The following C2CD2 variants were observed in gnomAD, a reference collection of about 807,000 sequenced individuals.
The protein encoded by C2CD2 is C2 domain-containing protein 2.
Under a neutral mutation model 74.3 loss-of-function variants are expected in C2CD2, and 43 were observed. That is an observed-to-expected ratio of 0.58 (90% CI 0.45 to 0.75). The LOEUF is 0.75. Among genes scored for constraint, C2CD2 ranks in the 30% least tolerant of loss-of-function variants. C2CD2 has a pLI of 0.00. For synonymous variants in C2CD2, 422 were observed against 390.7 expected (o/e 1.08, Z -0.94); for missense variants, 801 against 916.3 (o/e 0.87, Z 1.63).
intron 9 of C2CD2, 143 bp downstream of exon 9, chr21:41,907,517 C>T: frequency 3.4e-6 from 3 of 869,678 alleles, no homozygotes; most frequent in South Asian, 3.5e-5. Context: ...TCTGGTCCTG[C>T]GTACGATGAA....
intron 6 of C2CD2, among the ~76,000 whole-genome samples, chr21:41,913,953 C>A (rs1159044841): frequency 1.3e-5 from 2 of 152,182 alleles, no homozygotes; most frequent in African/African-American, 4.8e-5. Context: ...CCCCTTCACC[C>A]ACTTTCTAAG....
At chr21:41,905,125 G>T (rs2064944811) in intron 11 of C2CD2, among the ~76,000 whole-genome samples, 1 of 152,100 alleles carries the variant, frequency 6.6e-6, no homozygotes, top group Non-Finnish European at 1.5e-5. Flanking sequence ...CTAGCGTGTT[G>T]TGCAAGAGAA....
At chr21:41,921,861 T>TA in intron 3 of C2CD2, 111 bp downstream of exon 3, 1 of 667,416 alleles carries the variant, frequency 1.5e-6, no homozygotes, top group East Asian at 2.7e-5. Context: ...ACATGAATGA[T>TA]AATTAATAAA....
At chr21:41,898,440 G>A (rs964632270) in intron 13 of C2CD2, among the ~76,000 whole-genome samples, 5 of 152,142 alleles carry the variant, frequency 3.3e-5, no homozygotes, top group African/African-American at 7.2e-5. Flanking sequence ...GCACTGTCTC[G>A]GCAAATCTGC....
chr21:41,944,072 G>A (rs1009020752), intron 1 of C2CD2, among the ~76,000 whole-genome samples: 6 of 152,342 alleles, frequency 3.9e-5, no homozygotes, highest in African/African-American at 7.2e-5. Context: ...CCGCTCGGAG[G>A]ATGCAGCGGA....
intron 2 of C2CD2, among the ~76,000 whole-genome samples, chr21:41,930,934 G>C (rs1351600691): frequency 1.3e-5 from 2 of 149,954 alleles, no homozygotes; most frequent in Admixed American, 1.3e-4. Flanking sequence ...CTGAACCTGC[G>C]GGGGAAGGGC....
chr21:41,944,963 A>AT (rs1257231011), intron 1 of C2CD2, among the ~76,000 whole-genome samples: 1 of 152,240 alleles, frequency 6.6e-6, no homozygotes, highest in Non-Finnish European at 1.5e-5. Flanking sequence ...ACCACACTGA[A>AT]GGGGATGGGA....
chr21:41,934,060 T>C (rs1441403312), intron 2 of C2CD2, among the ~76,000 whole-genome samples: 2 of 152,090 alleles, frequency 1.3e-5, no homozygotes, highest in Non-Finnish European at 2.9e-5. Context: ...AAAAAAAAGT[T>C]TGGACATTTT....
At position 41,909,474 on chromosome 21, in the gene C2CD2, C is replaced by T; in HGVS notation, c.1003G>A (p.Gly335Arg). The change falls in exon 8 of 14, where the codon GGG becomes AGG. Residue 335 changes from glycine to arginine, a missense_variant. Physicochemically the swap from Gly to Arg is moderately radical, Grantham distance 125 (BLOSUM62 -2). Transcript: ENST00000380486. ...KELHLQISEAGRSSEGLLATA... is the reference protein window; with the variant it reads ...KELHLQISEARRSSEGLLATA... ...CTCAACCCACCTTCTGAGGATCGCC[C>T]AGCCTCTGAAATCTGCAGGTGTAAC... 1.2e-6 allele frequency: 2 copies of T among 1,613,660 alleles called. No individual in the cohort carries two copies. Among genetic ancestry groups the T allele is most frequent in the Non-Finnish European group, 1.7e-6 (2 of 1,179,532 alleles).
At position 41,953,634 on chromosome 21, in the gene C2CD2, C is replaced by A. The variant is rs1008345764; in HGVS notation, c.15G>T (p.Arg5=). 3.4e-6 allele frequency: 5 copies of A among 1,485,110 alleles called. No homozygotes were observed. Among genetic ancestry groups the A allele is most frequent in the African/African-American group, 1.5e-5 (1 of 68,674 alleles). 92.0% of individuals were successfully genotyped at this position (1,485,110 alleles called of 1,614,324 possible). A position where few individuals can be genotyped will look rare whatever the true frequency, so the allele number is the denominator to read the frequency against. Residue 5 remains arginine (R), a synonymous_variant, in exon 1 of 14, where the codon CGG becomes CGT. Coordinates refer to ENST00000380486, the MANE Select transcript of C2CD2 (RefSeq NM_015500.2). ...GCGCCTCCCCGAGCCACGAGCCCAG[C>A]CGGGCCATGGCCATGGCGCATCCCC... MAMA[R]LGSWLGEAQW...
chr21:41,933,920 G>A (rs965159354), intron 2 of C2CD2, among the ~76,000 whole-genome samples: 4 of 152,192 alleles, frequency 2.6e-5, no homozygotes, highest in African/African-American at 9.7e-5. Context: ...AGAGCTACGT[G>A]GAAAATTGTT....
chr21:41,901,395 G>T, intron 12 of C2CD2: 2 of 589,840 alleles, frequency 3.4e-6, no homozygotes, highest in Admixed American at 5.6e-5. Flanking sequence ...AACGTGTAAA[G>T]CGTCCCTGAT....
At position 41,951,879 on chromosome 21, in the gene C2CD2, G is replaced by A. The variant is rs567757848; in HGVS notation, c.279+1491C>T. Reference sequence around the variant, plus strand: ...CTGCCTCTAAGCCTGAAACTCCAGAGTTAGAAGCTGAACTTAAAGGTCATT... The same window carrying A: ...CTGCCTCTAAGCCTGAAACTCCAGAATTAGAAGCTGAACTTAAAGGTCATT... On this transcript the variant is annotated intron_variant, in intron 1 of 13. Transcript: ENST00000380486. 2.6e-5 allele frequency among the ~76,000 whole-genome samples: 4 copies of A among 152,296 alleles called. No homozygotes were observed. In the South Asian group the frequency reaches 8.3e-4, roughly 32 times the overall value.
Position 41,907,666 on chromosome 21 carries a change from C to G in C2CD2, c.1137G>C (p.Thr379=). ...ACGSSVLGSV[T]AEFSYMEPGE... is the part of the protein sequence containing the mutation. ...GCGGACAGCCTCGCCCTACCTCTGC[C>G]GTGACCGAGCCCAGCACCGAGCTGC... The change falls in exon 9 of 14, where the codon ACG becomes ACC. Residue 379 remains threonine (T), a synonymous_variant. Transcript: ENST00000380486. The G allele has an allele frequency of 6.2e-7, 1 of 1,611,328 alleles. No homozygotes were observed. The highest frequency in any genetic ancestry group is 8.5e-7 in the Non-Finnish European group (1 of 1,179,552).
chr21:41,953,729 C>A lies in C2CD2; in HGVS notation c.-81G>T. ...GCGGACTCAGGACACGCGCTGGCTG[C>A]GGCCACAGCGCGCTGGGGGCGTGGA... On this transcript the variant is annotated 5_prime_UTR_variant, in exon 1 of 14. Coordinates refer to ENST00000380486, the MANE Select transcript of C2CD2 (RefSeq NM_015500.2). 8.1e-7 allele frequency: 1 copy of A among 1,228,312 alleles called. No homozygotes were observed. The highest frequency in any genetic ancestry group is 3.0e-5 in the South Asian group (1 of 32,812). The allele number at this position is 1,228,312 out of a possible 1,614,324, so 76.1% of individuals were successfully genotyped here.
At chr21:41,906,275 G>C (rs2064961060) in intron 10 of C2CD2, among the ~76,000 whole-genome samples, 1 of 152,242 alleles carries the variant, frequency 6.6e-6, no homozygotes, top group Non-Finnish European at 1.5e-5. Flanking sequence ...TTTCACAGAA[G>C]AAAGTCTACA....
At chr21:41,908,214 G>A (rs935656044) in intron 8 of C2CD2, 23 of 192,622 alleles carry the variant, frequency 1.2e-4, no homozygotes, top group African/African-American at 6.6e-4. Flanking sequence ...GAGGATAAAG[G>A]GCCAAGATGC....
chr21:41,935,807 G>A (rs140382024), intron 2 of C2CD2, among the ~76,000 whole-genome samples: 3,849 of 152,166 alleles, frequency 0.025, 76 homozygotes, highest in South Asian at 0.044. Flanking sequence ...AGCCAAGGTC[G>A]CGCTCCAGCC....
chr21:41,918,113 C>T lies in C2CD2; in HGVS notation c.712G>A (p.Glu238Lys), dbSNP rs867182199. 6.2e-7 allele frequency: 1 copy of T among 1,614,124 alleles called. No homozygotes were observed. The highest frequency in any genetic ancestry group is 1.1e-5 in the South Asian group (1 of 91,080). The change falls in exon 5 of 14, where the codon GAA (glutamate) becomes AAA (lysine). Residue 238 changes from glutamate to lysine, a missense_variant. Glu to Lys is a moderately conservative substitution (Grantham distance 56, BLOSUM62 1). Coordinates refer to ENST00000380486, the MANE Select transcript of C2CD2 (RefSeq NM_015500.2). ...VLITKPTTVK[E>K]AQNLQCAAST... ...CACCCAGATGAGTTTACCTGAGCTT[C>T]CTTTACAGTCGTGGGCTTGGTAATC... is the stretch of plus-strand genomic sequence containing the variant.
Sources: allele counts gnomAD v4.1 joint callset (sites outside exome capture counted in the v4.1 genomes callset), GRCh38; gene constraint gnomAD v4.1.1; transcripts MANE v1.5; gene names NCBI Gene and HGNC (gene_info 2026-07-23, HGNC 2026-07-21).